The following CDK17 variants were observed in gnomAD, a reference collection of about 807,000 sequenced individuals.
The protein encoded by CDK17 is cyclin-dependent kinase 17.
A neutral mutation model predicts 77.6 loss-of-function variants in CDK17; 24 were observed. That is an observed-to-expected ratio of 0.31 (90% CI 0.22 to 0.44). The LOEUF (loss-of-function observed/expected upper bound fraction) is 0.44, where lower values mean the gene tolerates loss of function less well. Among genes scored for constraint, CDK17 ranks in the 20% least tolerant of loss-of-function variants. CDK17 has a pLI of 1.00. For synonymous variants in CDK17, 203 were observed against 210.4 expected (o/e 0.96, Z 0.30); for missense variants, 429 against 622.5 (o/e 0.69, Z 3.31).
chr12:96,383,546 A>G (rs1953921847), intron 1 of CDK17, among the ~76,000 whole-genome samples: 1 of 152,230 alleles, frequency 6.6e-6, no homozygotes, highest in Non-Finnish European at 1.5e-5. Flanking sequence ...TAAGCAACAC[A>G]GCATGGTACT....
intron 3 of CDK17, among the ~76,000 whole-genome samples, chr12:96,315,112 T>A (rs761793207): frequency 6.6e-6 from 1 of 152,234 alleles, no homozygotes; most frequent in Non-Finnish European, 1.5e-5. Flanking sequence ...ATGGCCTAGA[T>A]AACTAGATCT....
intron 1 of CDK17, among the ~76,000 whole-genome samples, chr12:96,351,162 C>T (rs1382835603): frequency 1.3e-5 from 2 of 152,100 alleles, no homozygotes; most frequent in Non-Finnish European, 2.9e-5. Flanking sequence ...AGGATGGCTA[C>T]TATCAAACAG....
At chr12:96,356,413 AG>A (rs1488455329) in intron 1 of CDK17, among the ~76,000 whole-genome samples, 6 of 152,296 alleles carry the variant, frequency 3.9e-5, no homozygotes, top group Admixed American at 1.3e-4. Context: ...CTTTTGCCTC[AG>A]CCCCCCAAGT....
intron 15 of CDK17, 108 bp from the exon 16 acceptor site, chr12:96,280,993 A>T: frequency 1.1e-6 from 1 of 911,714 alleles, no homozygotes; most frequent in Non-Finnish European, 1.6e-6. Context: ...ATATGAAACC[A>T]TTTTACAAGG....
intron 3 of CDK17, among the ~76,000 whole-genome samples, chr12:96,322,707 TAGATA>T (rs1304350964): frequency 1.3e-5 from 2 of 152,222 alleles, no homozygotes; most frequent in African/African-American, 4.8e-5. Context: ...GCCGGTGGCA[TAGATA>T]ATAGTTAAAA....
chr12:96,280,576 G>T, intron 16 of CDK17: 1 of 1,413,588 alleles, frequency 7.1e-7, no homozygotes, highest in Non-Finnish European at 9.2e-7. Flanking sequence ...TGTGCCATCT[G>T]CAGCTTTCAG....
intron 3 of CDK17, among the ~76,000 whole-genome samples, chr12:96,323,289 A>C (rs368702556): frequency 1.1e-4 from 11 of 101,148 alleles, no homozygotes; most frequent in Non-Finnish European, 2.0e-4. Flanking sequence ...AAAAAACAAA[A>C]ACAAACAAAC....
intron 10 of CDK17, among the ~76,000 whole-genome samples, chr12:96,292,384 T>C (rs557792131): frequency 4.2e-4 from 64 of 152,222 alleles, no homozygotes; most frequent in Non-Finnish European, 8.7e-4. Context: ...GGCAGGCAGA[T>C]TGCTTGAGGC....
chr12:96,282,681 AGCTACTT>A, intron 14 of CDK17, 82 bp from the exon 15 acceptor site: 1 of 811,956 alleles, frequency 1.2e-6, no homozygotes, highest in Admixed American at 2.2e-5. Context: ...TAGCATTTAG[AGCTACTT>A]AAAAAAAATC....
At chr12:96,310,295 T>C (rs1952630941) in intron 5 of CDK17, among the ~76,000 whole-genome samples, 2 of 152,130 alleles carry the variant, frequency 1.3e-5, no homozygotes, top group African/African-American at 2.4e-5. Flanking sequence ...ACAAACTTTG[T>C]ATAAGTATAT....
At chr12:96,371,480 C>T (rs1953691962) in intron 1 of CDK17, among the ~76,000 whole-genome samples, 1 of 152,158 alleles carries the variant, frequency 6.6e-6, no homozygotes, top group Admixed American at 6.6e-5. Flanking sequence ...TAAAAGGCCA[C>T]ATTTGACAGC....
At chr12:96,380,775 A>G (rs1017671000) in intron 1 of CDK17, among the ~76,000 whole-genome samples, 5 of 152,194 alleles carry the variant, frequency 3.3e-5, no homozygotes, top group African/African-American at 1.2e-4. Flanking sequence ...CCTTACTGGA[A>G]TATCTCCCTC....
At chr12:96,283,279 G>A (rs1952199890) in intron 14 of CDK17, among the ~76,000 whole-genome samples, 1 of 152,050 alleles carries the variant, frequency 6.6e-6, no homozygotes, top group African/African-American at 2.4e-5. Context: ...GCATTTGGAG[G>A]CAGAGCATCC....
chr12:96,291,290 G>A (rs1592707419), intron 10 of CDK17, among the ~76,000 whole-genome samples: 1 of 152,170 alleles, frequency 6.6e-6, no homozygotes, highest in East Asian at 1.9e-4. Flanking sequence ...AGTAGTTGTT[G>A]TTTTTTTCTT....
rs536576781 is a variant in CDK17, at chr12:96,388,652, T to C, written c.-30+11334A>G. Among the ~76,000 whole-genome samples, 38 of 152,336 alleles carry C rather than the reference T, an allele frequency of 2.5e-4. No individual in the cohort carries two copies. The South Asian group carries it at 3.3e-3, about 13-fold the overall frequency. On this transcript the variant is annotated intron_variant, in intron 1 of 16. Coordinates refer to ENST00000261211, the MANE Select transcript of CDK17 (RefSeq NM_002595.5). ...ATAGTTCTTATTTTATAAAGAGTTA[T>C]AGCAAAAACAATCAATGTTTTACAT... is the stretch of plus-strand genomic sequence containing the variant.
intron 1 of CDK17, among the ~76,000 whole-genome samples, chr12:96,368,234 T>C (rs560114104): frequency 6.6e-6 from 1 of 152,356 alleles, no homozygotes; most frequent in African/African-American, 2.4e-5. Flanking sequence ...ACCTAAGTTA[T>C]AAAGAAAATC....
intron 10 of CDK17, among the ~76,000 whole-genome samples, chr12:96,289,915 T>C (rs1030082582): frequency 5.9e-5 from 9 of 152,202 alleles, no homozygotes; most frequent in Non-Finnish European, 1.3e-4. Flanking sequence ...ATATTATTAA[T>C]TGCTGTTTAC....
rs139738617 is a variant in CDK17, at chr12:96,366,301, T to G, written c.-29-31436A>C. On this transcript the variant is annotated intron_variant, in intron 1 of 16. Transcript: ENST00000261211. ...CCATTTATTGTATGAACACAGATGT[T>G]ACCCTTCCTACACAGCAGGCCATTT... 6.6e-5 allele frequency among the ~76,000 whole-genome samples: 10 copies of G among 152,328 alleles called. No homozygotes were observed. In the East Asian group the frequency reaches 1.9e-3, roughly 29 times the overall value.
intron 1 of CDK17, among the ~76,000 whole-genome samples, chr12:96,397,856 G>A (rs1392795081): frequency 6.6e-6 from 1 of 152,132 alleles, no homozygotes; most frequent in Non-Finnish European, 1.5e-5. Flanking sequence ...TCTCTAAAAT[G>A]TTTTAAGTGG....
Sources: allele counts gnomAD v4.1 joint callset (sites outside exome capture counted in the v4.1 genomes callset), GRCh38; gene constraint gnomAD v4.1.1; transcripts MANE v1.5; gene names NCBI Gene and HGNC (gene_info 2026-07-23, HGNC 2026-07-21).